The following GALM variants were observed in gnomAD, a reference collection of about 807,000 sequenced individuals.
GALM encodes galactose mutarotase.
A neutral mutation model predicts 37.4 loss-of-function variants in GALM; 43 were observed. That is an observed-to-expected ratio of 1.15 (90% CI 0.90 to 1.48). GALM has a LOEUF of 1.48. GALM is among the 40% of genes most tolerant of loss of function. The probability of loss-of-function intolerance (pLI) is 0.00; values close to 1 mark genes in which losing one functional copy is unlikely to be tolerated. For synonymous variants in GALM, 199 were observed against 170.6 expected, an observed-to-expected ratio of 1.17 and a Z score of -1.30; for missense variants, 456 against 419.1, an observed-to-expected ratio of 1.09 and a Z score of -0.77.
intron 2 of GALM, among the ~76,000 whole-genome samples, chr2:38,676,666 G>C (rs1665266777): frequency 6.6e-6 from 1 of 152,184 alleles, no homozygotes; most frequent in South Asian, 2.1e-4. Flanking sequence ...TGGAGGCTGA[G>C]GCAAGAGAAT....
chr2:38,728,686 AAAAAC>A lies in GALM; in HGVS notation c.635-845_635-841del, dbSNP rs70954748. 2.6e-3 allele frequency among the ~76,000 whole-genome samples: 390 copies of A among 150,728 alleles called. 1 individual carries two copies. Among genetic ancestry groups the A allele is most frequent in the Admixed American group, 5.6e-3 (85 of 15,090 alleles). ...GGTGACAGAGCAAGACTCCATCTCA[AAAAAC>A]AAAACAAAACAAAACAAAACAAAAA... On this transcript the variant is annotated intron_variant, in intron 4 of 6. Transcript: ENST00000272252.
At chr2:38,718,477 G>C (rs1271943756) in intron 4 of GALM, among the ~76,000 whole-genome samples, 1 of 151,910 alleles carries the variant, frequency 6.6e-6, no homozygotes, top group East Asian at 1.9e-4. Context: ...GGAATTACAA[G>C]CGTGAGCCAC....
chr2:38,669,981 A>C (rs1665050933), intron 1 of GALM, among the ~76,000 whole-genome samples: 1 of 151,142 alleles, frequency 6.6e-6, no homozygotes, highest in Non-Finnish European at 1.5e-5. Context: ...TCATGCCTTA[A>C]CCTCCCAAGT....
chr2:38,710,242 G>A (rs767956499), intron 4 of GALM, among the ~76,000 whole-genome samples: 2 of 152,168 alleles, frequency 1.3e-5, no homozygotes, highest in Admixed American at 6.5e-5. Context: ...TGATGCATGT[G>A]GTCATCAGAT....
At chr2:38,700,222 G>A (rs1448337834) in intron 4 of GALM, among the ~76,000 whole-genome samples, 1 of 152,122 alleles carries the variant, frequency 6.6e-6, no homozygotes, top group African/African-American at 2.4e-5. Flanking sequence ...AACGTACTAG[G>A]ATAACAGATG....
At chr2:38,679,568 G>T (rs540141032) in intron 2 of GALM, among the ~76,000 whole-genome samples, 1 of 152,302 alleles carries the variant, frequency 6.6e-6, no homozygotes, top group South Asian at 2.1e-4. Flanking sequence ...AAAGCACCAG[G>T]TCATTGACTA....
At chr2:38,695,964 G>T (rs1665795586) in intron 4 of GALM, among the ~76,000 whole-genome samples, 1 of 152,042 alleles carries the variant, frequency 6.6e-6, no homozygotes, top group African/African-American at 2.4e-5. Flanking sequence ...CTCCCGAAGT[G>T]CTGGGATTAC....
intron 1 of GALM, among the ~76,000 whole-genome samples, chr2:38,670,738 T>C (rs908904739): frequency 6.6e-6 from 1 of 152,204 alleles, no homozygotes; most frequent in Admixed American, 6.5e-5. Flanking sequence ...CTGACTCTAC[T>C]AGAACTTTTT....
chr2:38,708,809 G>A (rs1666095341), intron 4 of GALM, among the ~76,000 whole-genome samples: 1 of 152,174 alleles, frequency 6.6e-6, no homozygotes, highest in South Asian at 2.1e-4. Context: ...AGGGAAGTGG[G>A]GTCAAATAAC....
chr2:38,692,912 G>C (rs926953212), intron 4 of GALM, among the ~76,000 whole-genome samples: 1 of 152,222 alleles, frequency 6.6e-6, no homozygotes, highest in Admixed American at 6.5e-5. Context: ...GCCCAGGGAA[G>C]TGCTGTGCTT....
rs143554100 is a variant in GALM, at chr2:38,672,761, C to G, written c.191-3151C>G. On this transcript the variant is annotated intron_variant, in intron 1 of 6. Transcript: ENST00000272252. ...GCACTTAGAAAGTGGCTGGGACACACTTTGGGAGGCCAAGGCAGGTGGATC... is the reference window on the plus strand; with the variant it reads ...GCACTTAGAAAGTGGCTGGGACACAGTTTGGGAGGCCAAGGCAGGTGGATC... 2.0e-3 allele frequency among the ~76,000 whole-genome samples: 304 copies of G among 151,970 alleles called. 1 individual carries two copies. The highest frequency in any genetic ancestry group is 3.2e-3 in the Non-Finnish European group (220 of 67,964).
At chr2:38,706,496 G>A (rs1348048048) in intron 4 of GALM, among the ~76,000 whole-genome samples, 8 of 137,020 alleles carry the variant, frequency 5.8e-5, no homozygotes, top group South Asian at 2.4e-4. Flanking sequence ...GCAACATATC[G>A]AGACCCCATC....
intron 1 of GALM, among the ~76,000 whole-genome samples, chr2:38,673,647 A>G (rs537627295): frequency 6.6e-6 from 1 of 152,188 alleles, no homozygotes; most frequent in South Asian, 2.1e-4. Context: ...CGTCTCTACT[A>G]AAAATACAAA....
rs138393858 is a variant in GALM at position 38,718,057 on chromosome 2, G to T, written c.635-11499G>T. Among the ~76,000 whole-genome samples the T allele has an allele frequency of 2.0e-5, 3 of 151,608 alleles. 1 individual carries two copies. The East Asian group carries it at 5.9e-4, about 30-fold the overall frequency. ...CTGCTATGTTGCCCAGGCTGGTCTC[G>T]AACTCCTGGGCTCAAGAGATCCTCC... On this transcript the variant is annotated intron_variant, in intron 4 of 6. Transcript: ENST00000272252.
intron 4 of GALM, among the ~76,000 whole-genome samples, chr2:38,722,221 C>T (rs1038792449): frequency 6.6e-6 from 1 of 151,940 alleles, no homozygotes; most frequent in African/African-American, 2.4e-5. Context: ...TGAGAATCAC[C>T]CCTTTGCACA....
At chr2:38,669,518 G>A (rs1417023732) in intron 1 of GALM, 1 of 152,188 alleles carries the variant, frequency 6.6e-6, no homozygotes, top group African/African-American at 2.4e-5. Context: ...TTTTGTCTGC[G>A]GCTCGTCCTG....
At chr2:38,691,548 G>T (rs1046656535) in intron 4 of GALM, among the ~76,000 whole-genome samples, 1 of 151,904 alleles carries the variant, frequency 6.6e-6, no homozygotes, top group Non-Finnish European at 1.5e-5. Flanking sequence ...GCCAGGTGTG[G>T]TAACACGCAC....
chr2:38,670,993 G>A (rs980180424), intron 1 of GALM, among the ~76,000 whole-genome samples: 2 of 152,136 alleles, frequency 1.3e-5, no homozygotes, highest in African/African-American at 2.4e-5. Flanking sequence ...GTGTCACAGT[G>A]TGGTCCTTGG....
chr2:38,666,788 G>T (rs1664952173), intron 1 of GALM, among the ~76,000 whole-genome samples: 1 of 152,128 alleles, frequency 6.6e-6, no homozygotes. Flanking sequence ...CTTCTTCCTT[G>T]ATCAGATTCT....
Sources: allele counts gnomAD v4.1 joint callset (sites outside exome capture counted in the v4.1 genomes callset), GRCh38; gene constraint gnomAD v4.1.1; transcripts MANE v1.5; gene names NCBI Gene and HGNC (gene_info 2026-07-23, HGNC 2026-07-21).